Variants in KDM4E observed in about 807,000 individuals in gnomAD.
The protein encoded by KDM4E is lysine-specific demethylase 4E.
For missense variants in KDM4E, 576 were observed against 642.6 expected, an observed-to-expected ratio of 0.90 and a Z score of 1.12; for synonymous variants, 229 against 232.9, an observed-to-expected ratio of 0.98 and a Z score of 0.15.
rs1018143847 is a variant in KDM4E at position 95,026,602 on chromosome 11, G to A, written c.1045G>A (p.Val349Ile). 1.3e-6 allele frequency: 2 copies of A among 1,537,446 alleles called. No homozygotes were observed. Among genetic ancestry groups the A allele is most frequent in the African/African-American group, 2.7e-5 (2 of 73,150 alleles). Residue 349 changes from valine (V) to isoleucine (I), a missense_variant, in exon 1 of 1, where the codon GTT becomes ATT. Transcript: ENST00000450979. ...CATTGTGGAACACACAGAGCCCAGGGTTGCAGAAAGCCAAGAGCTGAGCAA... is the reference window on the plus strand; with the variant it reads ...CATTGTGGAACACACAGAGCCCAGGATTGCAGAAAGCCAAGAGCTGAGCAA... ...LAIVEHTEPR[V>I]AESQELSNWR...
chr11:95,027,149 C>A lies in KDM4E; in HGVS notation c.*71C>A, dbSNP rs1858281523. 8 of 1,491,118 alleles carry A rather than the reference C, an allele frequency of 5.4e-6. 1 individual carries two copies. In the South Asian group the frequency reaches 1.0e-4, roughly 20 times the overall value. The allele number at this position is 1,491,118 out of a possible 1,614,324, so 92.4% of individuals were successfully genotyped here. A position where few individuals can be genotyped will look rare whatever the true frequency, so the allele number is the denominator to read the frequency against. ...TCCCTGATCTTCAACTCCTGGGGCCCCCACTGGATCGTGATGAAACCATGC... is the reference window on the plus strand; with the variant it reads ...TCCCTGATCTTCAACTCCTGGGGCCACCACTGGATCGTGATGAAACCATGC... On this transcript the variant is annotated 3_prime_UTR_variant, in exon 1 of 1. Coordinates refer to ENST00000450979, the MANE Select transcript of KDM4E (RefSeq NM_001161630.1).
At position 95,027,185 on chromosome 11, in the gene KDM4E, G is replaced by A. The variant is rs773879161; in HGVS notation, c.*107G>A. On this transcript the variant is annotated 3_prime_UTR_variant, in exon 1 of 1. Coordinates refer to ENST00000450979, the MANE Select transcript of KDM4E (RefSeq NM_001161630.1). Reference sequence around the variant, plus strand: ...GTGATGAAACCATGCACCCTGGCCTGTGCCTGCTATCCCTCAACAGCACTA... The same window carrying A: ...GTGATGAAACCATGCACCCTGGCCTATGCCTGCTATCCCTCAACAGCACTA... The A allele has an allele frequency of 3.9e-4, 550 of 1,407,058 alleles. 1 individual carries two copies. The highest frequency in any genetic ancestry group is 4.3e-4 in the Non-Finnish European group (461 of 1,067,116). 87.2% of individuals were successfully genotyped at this position (1,407,058 alleles called of 1,614,324 possible).
At position 95,026,514 on chromosome 11, in the gene KDM4E, C is replaced by A. The variant is rs781945673; in HGVS notation, c.957C>A (p.Asp319Glu). The A allele has an allele frequency of 1.1e-5, 18 of 1,579,270 alleles. No homozygotes were observed. Among genetic ancestry groups the A allele is most frequent in the Non-Finnish European group, 1.5e-5 (18 of 1,168,410 alleles). ...AGTCGACAGTGACCTTTTCCATGGA[C>A]CCCTTTGTGCGCATTGTGCAACCCG... ...CGESTVTFSMDPFVRIVQPES... is the reference protein window; with the variant it reads ...CGESTVTFSMEPFVRIVQPES... Residue 319 changes from aspartate to glutamate, a missense_variant, in exon 1 of 1, where the codon GAC (aspartate) becomes GAA (glutamate). By Grantham distance (45) the Asp-to-Glu change is conservative. Coordinates refer to ENST00000450979, the MANE Select transcript of KDM4E (RefSeq NM_001161630.1).
rs565901970 is a variant in KDM4E, at chr11:95,025,918, C to T, written c.361C>T (p.Arg121Ter). The T allele has an allele frequency of 2.9e-5, 45 of 1,577,566 alleles. No homozygotes were observed. The highest frequency in any genetic ancestry group is 5.4e-5 in the Admixed American group (3 of 55,718). Residue 121 changes from arginine to a stop codon, truncating the protein, a stop_gained, in exon 1 of 1, where the codon CGA becomes TGA. Transcript: ENST00000450979. LOFTEE classifies it low-confidence loss of function (END_TRUNC). ...CCAGAATTTTGCAGATTTGGAGCAA[C>T]GATACTGGAAGAGCCACCCCGGTAA... ...PHQNFADLEQRYWKSHPGNPP... is the reference protein window; with the variant it reads ...PHQNFADLEQ
chr11:95,025,692 T>C lies in KDM4E; in HGVS notation c.135T>C (p.Leu45=), dbSNP rs2020207. The change falls in exon 1 of 1, where the codon CTT becomes CTC. Residue 45 remains leucine (L), a synonymous_variant. Transcript: ENST00000450979. ...CCCAAGGCGCACATCAAGCTGGCCTTGCCAAGGTAATTCCACCCAAGGAAT... is the reference window on the plus strand; with the variant it reads ...CCCAAGGCGCACATCAAGCTGGCCTCGCCAAGGTAATTCCACCCAAGGAAT... ...MESQGAHQAG[L]AKVIPPKEWK... 217 of 1,554,238 alleles carry C rather than the reference T, an allele frequency of 1.4e-4. No individual in the cohort carries two copies. The highest frequency in any genetic ancestry group is 5.7e-4 in the South Asian group (49 of 85,434).
In KDM4E at chr11:95,026,080, C is replaced by T; in HGVS notation, c.523C>T (p.Pro175Ser). 4 of 1,614,016 alleles carry T rather than the reference C, an allele frequency of 2.5e-6. No homozygotes were observed. The highest frequency in any genetic ancestry group is 3.4e-6 in the Non-Finnish European group (4 of 1,179,948). ...CGVVIEGVNTPYLYFGMWKTT... is the reference protein window; with the variant it reads ...CGVVIEGVNTSYLYFGMWKTT... The stretch of plus-strand genomic sequence containing the variant: ...GGTTGTCATCGAGGGTGTCAACACA[C>T]CCTACCTGTACTTTGGCATGTGGAA... Residue 175 changes from proline to serine, a missense_variant, in exon 1 of 1, where the codon CCC becomes TCC. By Grantham distance (74) the Pro-to-Ser change is moderately conservative. Coordinates refer to ENST00000450979, the MANE Select transcript of KDM4E (RefSeq NM_001161630.1).
In KDM4E at chr11:95,027,206, CACT is replaced by C; in HGVS notation, c.*133_*135del. ...GCCTGTGCCTGCTATCCCTCAACAG[CACT>C]ACTAGTAATCTCCCTGATGTTGTCT... On this transcript the variant is annotated 3_prime_UTR_variant, in exon 1 of 1. Transcript: ENST00000450979. The C allele has an allele frequency of 8.1e-7, 1 of 1,240,000 alleles. No homozygotes were observed. Among genetic ancestry groups the C allele is most frequent in the African/African-American group, 1.5e-5 (1 of 65,842 alleles). The allele number at this position is 1,240,000 out of a possible 1,614,324, so 76.8% of individuals were successfully genotyped here. A position where few individuals can be genotyped will look rare whatever the true frequency, so the allele number is the denominator to read the frequency against.
chr11:95,026,766 T>A lies in KDM4E; in HGVS notation c.1209T>A (p.Pro403=), dbSNP rs1858273958. The change falls in exon 1 of 1, where the codon CCT becomes CCA. Residue 403 remains proline, a synonymous_variant. Coordinates refer to ENST00000450979, the MANE Select transcript of KDM4E (RefSeq NM_001161630.1). ...NPKGCGTDAV[P]GSAFQSSAYH... is the part of the protein sequence containing the mutation. ...AAGGCTGTGGCACTGATGCTGTGCC[T>A]GGATCCGCATTCCAAAGCTCTGCAT... 3 of 1,537,164 alleles carry A rather than the reference T, an allele frequency of 2.0e-6. No homozygotes were observed. Among genetic ancestry groups the A allele is most frequent in the Non-Finnish European group, 2.6e-6 (3 of 1,146,898 alleles).
In KDM4E at chr11:95,025,490, C is replaced by A; in HGVS notation, c.-68C>A. 6.9e-7 allele frequency: 1 copy of A among 1,455,538 alleles called. No individual in the cohort carries two copies. Among genetic ancestry groups the A allele is most frequent in the Admixed American group, 2.6e-5 (1 of 38,172 alleles). The allele number at this position is 1,455,538 out of a possible 1,614,324, so 90.2% of individuals were successfully genotyped here. ...AACAAAGGGGAGAAAAGAAATTACT[C>A]CCCAGAACTCTCAGGCATCTAGAGG... On this transcript the variant is annotated 5_prime_UTR_variant, in exon 1 of 1. Coordinates refer to ENST00000450979, the MANE Select transcript of KDM4E (RefSeq NM_001161630.1).
At position 95,026,894 on chromosome 11, in the gene KDM4E, G is replaced by A. The variant is rs980909477; in HGVS notation, c.1337G>A (p.Gly446Asp). Reference protein sequence around the residue: ...GSGRGRGRGQGQGRGCSRGRG... With the variant: ...GSGRGRGRGQDQGRGCSRGRG... The stretch of plus-strand genomic sequence containing the variant: ...GGTCGTGGTCGTGGTCGTGGTCAAG[G>A]TCAAGGTCGAGGTTGCAGTCGTGGT... The change falls in exon 1 of 1, where the codon GGT becomes GAT. Residue 446 changes from glycine to aspartate, a missense_variant. Physicochemically the swap from Gly to Asp is moderately conservative, Grantham distance 94. Coordinates refer to ENST00000450979, the MANE Select transcript of KDM4E (RefSeq NM_001161630.1). The A allele has an allele frequency of 2.0e-6, 3 of 1,537,092 alleles. No homozygotes were observed. The highest frequency in any genetic ancestry group is 2.7e-5 in the African/African-American group (2 of 73,030).
Position 95,026,512 on chromosome 11 carries a change from G to C in KDM4E, c.955G>C (p.Asp319His). 2 of 1,583,626 alleles carry C rather than the reference G, an allele frequency of 1.3e-6. No homozygotes were observed. Among genetic ancestry groups the C allele is most frequent in the East Asian group, 2.3e-5 (1 of 44,390 alleles). Residue 319 changes from aspartate (D) to histidine (H), a missense_variant, in exon 1 of 1, where the codon GAC becomes CAC. Transcript: ENST00000450979. The part of the protein sequence containing the change: ...CGESTVTFSM[D>H]PFVRIVQPES... ...GGAGTCGACAGTGACCTTTTCCATG[G>C]ACCCCTTTGTGCGCATTGTGCAACC...
chr11:95,025,508 T>C lies in KDM4E; in HGVS notation c.-50T>C. 1.3e-6 allele frequency: 2 copies of C among 1,489,510 alleles called. No individual in the cohort carries two copies. Among genetic ancestry groups the C allele is most frequent in the Non-Finnish European group, 1.8e-6 (2 of 1,121,126 alleles). 92.3% of individuals were successfully genotyped at this position (1,489,510 alleles called of 1,614,324 possible). A position where few individuals can be genotyped will look rare whatever the true frequency, so the allele number is the denominator to read the frequency against. ...AATTACTCCCCAGAACTCTCAGGCA[T>C]CTAGAGGACACCCAAGAACGTGGGA... is the stretch of plus-strand genomic sequence containing the variant. On this transcript the variant is annotated 5_prime_UTR_variant, in exon 1 of 1. Transcript: ENST00000450979.
Position 95,027,008 on chromosome 11 carries a change from G to T in KDM4E, c.1451G>T (p.Arg484Met). The T allele has an allele frequency of 6.5e-7, 1 of 1,537,210 alleles. No homozygotes were observed. The highest frequency in any genetic ancestry group is 8.7e-7 in the Non-Finnish European group (1 of 1,146,906). Residue 484 changes from arginine to methionine, a missense_variant, in exon 1 of 1, where the codon AGG becomes ATG. Arg to Met is a moderately conservative substitution (Grantham distance 91). Coordinates refer to ENST00000450979, the MANE Select transcript of KDM4E (RefSeq NM_001161630.1). ...ASKRRLLMGTRSRAQGHRPQL... is the reference protein window; with the variant it reads ...ASKRRLLMGTMSRAQGHRPQL... Reference sequence around the variant, plus strand: ...AAGAGGCGCCTTTTAATGGGTACAAGGAGTAGAGCTCAAGGCCACAGGCCT... The same window carrying T: ...AAGAGGCGCCTTTTAATGGGTACAATGAGTAGAGCTCAAGGCCACAGGCCT...
Position 95,026,420 on chromosome 11 carries a change from A to C in KDM4E, c.863A>C (p.Glu288Ala). 6.2e-7 allele frequency: 1 copy of C among 1,613,202 alleles called. No homozygotes were observed. Among genetic ancestry groups the C allele is most frequent in the Non-Finnish European group, 8.5e-7 (1 of 1,180,004 alleles). The change falls in exon 1 of 1, where the codon GAA becomes GCA. Residue 288 changes from glutamate to alanine, a missense_variant. By Grantham distance (107) the Glu-to-Ala change is moderately radical. Transcript: ENST00000450979. ...TTCAATCACGGCTTCAACTGCGCAG[A>C]AGCCATTAATTTTGCCACTCCACGA... ...AGFNHGFNCAEAINFATPRWI... is the reference protein window; with the variant it reads ...AGFNHGFNCAAAINFATPRWI...
At position 95,025,672 on chromosome 11, in the gene KDM4E, G is replaced by A. The variant is rs1555102583; in HGVS notation, c.115G>A (p.Gly39Ser). The change falls in exon 1 of 1, where the codon GGC becomes AGC. Residue 39 changes from glycine to serine, a missense_variant. By Grantham distance (56) the Gly-to-Ser change is moderately conservative. Transcript: ENST00000450979. ...ATATGTTGCTTACATGGAGTCCCAA[G>A]GCGCACATCAAGCTGGCCTTGCCAA... ...NTYVAYMESQ[G>S]AHQAGLAKVI... 2 of 1,548,912 alleles carry A rather than the reference G, an allele frequency of 1.3e-6. No individual in the cohort carries two copies. Among genetic ancestry groups the A allele is most frequent in the East Asian group, 2.4e-5 (1 of 42,094 alleles).
rs1555103019 is a variant in KDM4E, at chr11:95,026,784, C to T, written c.1227C>T (p.Ser409=). 1.3e-6 allele frequency: 2 copies of T among 1,537,246 alleles called. No homozygotes were observed. The highest frequency in any genetic ancestry group is 1.7e-6 in the Non-Finnish European group (2 of 1,146,900). Residue 409 remains serine, a synonymous_variant, in exon 1 of 1, where the codon AGC becomes AGT. Transcript: ENST00000450979. ...CTGTGCCTGGATCCGCATTCCAAAG[C>T]TCTGCATATCATACCCAGACCCAGT... is the stretch of plus-strand genomic sequence containing the variant. ...TDAVPGSAFQ[S]SAYHTQTQSL... is the part of the protein sequence containing the mutation.
In KDM4E at chr11:95,026,249, T is replaced by A. The variant is rs1555102800; in HGVS notation, c.692T>A (p.Ile231Asn). The A allele has an allele frequency of 1.2e-6, 2 of 1,614,080 alleles. No individual in the cohort carries two copies. The highest frequency in any genetic ancestry group is 2.2e-5 in the East Asian group (1 of 44,866). The change falls in exon 1 of 1, where the codon ATT becomes AAT. Residue 231 changes from isoleucine (I) to asparagine (N), a missense_variant. By Grantham distance (149) the Ile-to-Asn change is moderately radical. Transcript: ENST00000450979. The part of the protein sequence containing the change: ...ERLARELFPD[I>N]SRGCEAFLRH... ...CTGGCCAGGGAGCTCTTCCCAGACA[T>A]TTCTCGGGGCTGTGAGGCCTTCCTG...
Position 95,026,378 on chromosome 11 carries a change from A to G in KDM4E, c.821A>G (p.Tyr274Cys), listed in dbSNP as rs1555102835. ...EAGEFMVTFP[Y>C]GYHAGFNHGF... The stretch of plus-strand genomic sequence containing the variant: ...GGGGAGTTCATGGTGACCTTTCCCT[A>G]TGGCTACCATGCTGGCTTCAATCAC... Residue 274 changes from tyrosine (Y) to cysteine (C), a missense_variant, in exon 1 of 1, where the codon TAT (tyrosine) becomes TGT (cysteine). Tyr to Cys is a radical substitution (Grantham distance 194). Coordinates refer to ENST00000450979, the MANE Select transcript of KDM4E (RefSeq NM_001161630.1). 1.2e-6 allele frequency: 2 copies of G among 1,613,972 alleles called. No homozygotes were observed. Among genetic ancestry groups the G allele is most frequent in the East Asian group, 2.2e-5 (1 of 44,882 alleles).
Position 95,026,638 on chromosome 11 carries a change from G to A in KDM4E, c.1081G>A (p.Asp361Asn). The A allele has an allele frequency of 6.5e-7, 1 of 1,537,292 alleles. No homozygotes were observed. Residue 361 changes from aspartate (D) to asparagine (N), a missense_variant, in exon 1 of 1, where the codon GAT becomes AAT. Physicochemically the swap from Asp to Asn is conservative, Grantham distance 23 (BLOSUM62 1). Transcript: ENST00000450979. ...CCAAGAGCTGAGCAACTGGAGAGAT[G>A]ATATAGTACTTAGAAGAGCTGCTCT... The part of the protein sequence containing the change: ...ESQELSNWRD[D>N]IVLRRAALGL...
Sources: allele counts gnomAD v4.1 joint callset, GRCh38; gene constraint gnomAD v4.1.1; transcripts MANE v1.5; gene names NCBI Gene and HGNC (gene_info 2026-07-23, HGNC 2026-07-21).